The following SCN4A variants were observed in gnomAD, a reference collection of about 807,000 sequenced individuals.
The protein encoded by SCN4A is sodium channel protein type 4 subunit alpha.
In SCN4A, 83 loss-of-function variants were observed where a neutral mutation model predicts 162.0. The observed-to-expected ratio is 0.51, with a 90% confidence interval of 0.43 to 0.61. The LOEUF (loss-of-function observed/expected upper bound fraction) is 0.61. Ranked by LOEUF, SCN4A falls within the 20% of genes least tolerant of loss-of-function variation. The pLI, the probability that SCN4A is intolerant of heterozygous loss-of-function variation, is 0.00. For missense variants in SCN4A, 2,196 were observed against 2,462.5 expected (o/e 0.89, Z 2.29); for synonymous variants, 944 against 985.1 (o/e 0.96, Z 0.78).
chr17:63,968,505 A>C, intron 5 of SCN4A, 150 bp from the exon 6 acceptor site: 1 of 631,056 alleles, frequency 1.6e-6, no homozygotes, highest in Non-Finnish European at 2.7e-6. Flanking sequence ...TCTGAAATTA[A>C]CTCCACCCTT....
Position 63,938,869 on chromosome 17 carries a change from AAG to A in SCN4A, c.*1900_*1901del, listed in dbSNP as rs1450217428. On this transcript the variant is annotated 3_prime_UTR_variant, in exon 24 of 24. Transcript: ENST00000435607. ...CCCCATTAGACGAAACTTCTGAAGG[AAG>A]AGATGGAAGGAGTGGAGGCCTCCTT... The A allele has an allele frequency of 6.5e-6, 1 of 152,888 alleles. No individual in the cohort carries two copies. The highest frequency in any genetic ancestry group is 1.5e-5 in the Non-Finnish European group (1 of 68,180). The allele number at this position is 152,888 out of a possible 1,614,324, so 9.5% of individuals were successfully genotyped here. A position where few individuals can be genotyped will look rare whatever the true frequency, so the allele number is the denominator to read the frequency against.
chr17:63,956,081 C>T (rs1206187235), intron 13 of SCN4A, among the ~76,000 whole-genome samples: 11 of 152,228 alleles, frequency 7.2e-5, no homozygotes, highest in South Asian at 4.1e-4. Flanking sequence ...AGGCCCTAGC[C>T]GCAGAAATGC....
At chr17:63,967,312 C>T (rs1909480195) in intron 6 of SCN4A, among the ~76,000 whole-genome samples, 1 of 151,842 alleles carries the variant, frequency 6.6e-6, no homozygotes, top group African/African-American at 2.4e-5. Context: ...GTCACCACGC[C>T]CGGCTAATTT....
rs371725584 is a variant in SCN4A at position 63,964,495 on chromosome 17, G to C, written c.1425C>G (p.Phe475Leu). 6.2e-6 allele frequency: 10 copies of C among 1,613,862 alleles called. No homozygotes were observed. The highest frequency in any genetic ancestry group is 4.0e-5 in the African/African-American group (3 of 74,932). Residue 475 changes from phenylalanine (F) to leucine (L), a missense_variant, in exon 9 of 24, where the codon TTC (phenylalanine) becomes TTG (leucine). Phe to Leu is a conservative substitution (Grantham distance 22, BLOSUM62 0). Transcript: ENST00000435607. Reference protein sequence around the residue: ...EEEFQQMLEKFKKHQEELEKA... With the variant: ...EEEFQQMLEKLKKHQEELEKA... ...TCTCCAGCTCCTCCTGGTGCTTTTT[G>C]AACTTCTCAAGCATCTGCTGAAACT... is the stretch of plus-strand genomic sequence containing the variant.
In SCN4A at chr17:63,971,784, G is replaced by C; in HGVS notation, c.549C>G (p.Val183=). 1 of 1,613,152 alleles carries C rather than the reference G, an allele frequency of 6.2e-7. No individual in the cohort carries two copies. The highest frequency in any genetic ancestry group is 1.6e-4 in the Middle Eastern group (1 of 6,062). The change falls in exon 4 of 24, where the codon GTC becomes GTG. Residue 183 remains valine (V), a synonymous_variant. Transcript: ENST00000435607. Reference sequence around the variant, plus strand: ...GGTCCCGGAGGAATGTGAAGTCGTCGACACAGAAGCCTCGGGCCAGTATCT... The same window carrying C: ...GGTCCCGGAGGAATGTGAAGTCGTCCACACAGAAGCCTCGGGCCAGTATCT... ...LIKILARGFC[V]DDFTFLRDPW...
Position 63,948,779 on chromosome 17 carries a change from G to C in SCN4A, c.2990-14C>G, listed in dbSNP as rs574276315. 8 of 1,589,492 alleles carry C rather than the reference G, an allele frequency of 5.0e-6. No homozygotes were observed. The East Asian group carries it at 6.8e-5, about 13-fold the overall frequency. ...GCTGCACGCAGGCTGATGGGGTGAG[G>C]GGGGACAGGGACAGGCACCACATCA... On this transcript the variant is annotated splice_polypyrimidine_tract_variant and intron_variant, in intron 15 of 23. Coordinates refer to ENST00000435607, the MANE Select transcript of SCN4A (RefSeq NM_000334.4).
chr17:63,969,459 T>C (rs1909552566), intron 5 of SCN4A, among the ~76,000 whole-genome samples: 1 of 152,282 alleles, frequency 6.6e-6, no homozygotes, highest in Non-Finnish European at 1.5e-5. Context: ...AAAGCCCTCC[T>C]GCGCCCCGAG....
At chr17:63,954,307 G>A (rs369998683) in intron 13 of SCN4A, among the ~76,000 whole-genome samples, 13 of 152,230 alleles carry the variant, frequency 8.5e-5, no homozygotes, top group African/African-American at 2.6e-4. Flanking sequence ...CTTCCTCCCC[G>A]CCATGTCCCC....
chr17:63,949,770 C>T (rs1056734880), intron 14 of SCN4A: 8 of 421,382 alleles, frequency 1.9e-5, no homozygotes, highest in African/African-American at 8.2e-5. Flanking sequence ...TGGGAAGGGA[C>T]GGTAAGGGCA....
At position 63,951,780 on chromosome 17, in the gene SCN4A, T is replaced by A; in HGVS notation, c.2497A>T (p.Ile833Phe). Residue 833 changes from isoleucine (I) to phenylalanine (F), a missense_variant, in exon 14 of 24, where the codon ATC becomes TTC. Ile to Phe is a conservative substitution (Grantham distance 21). Coordinates refer to ENST00000435607, the MANE Select transcript of SCN4A (RefSeq NM_000334.4). The surrounding 1 kb of genome is among the most constrained non-coding windows in gnomAD (Gnocchi z 4.5). ...QIAIGRIKLGIGFAKAFLLGL... is the reference protein window; with the variant it reads ...QIAIGRIKLGFGFAKAFLLGL... Reference sequence around the variant, plus strand: ...AGGAGGAAGGCCTTGGCAAAGCCGATGCCCAACTTGATGCGCCCGATGGCA... The same window carrying A: ...AGGAGGAAGGCCTTGGCAAAGCCGAAGCCCAACTTGATGCGCCCGATGGCA... 1 of 1,585,184 alleles carries A rather than the reference T, an allele frequency of 6.3e-7. No homozygotes were observed. The highest frequency in any genetic ancestry group is 8.6e-7 in the Non-Finnish European group (1 of 1,165,562).
In SCN4A at chr17:63,942,873, A is replaced by G. The variant is rs1280959928; in HGVS notation, c.4241T>C (p.Val1414Ala). 6.2e-7 allele frequency: 1 copy of G among 1,614,052 alleles called. No individual in the cohort carries two copies. The highest frequency in any genetic ancestry group is 2.2e-5 in the East Asian group (1 of 44,892). The change falls in exon 23 of 24, where the codon GTT becomes GCT. Residue 1414 changes from valine to alanine, a missense_variant. By Grantham distance (64) the Val-to-Ala change is moderately conservative (BLOSUM62 0). Transcript: ENST00000435607. The stretch of plus-strand genomic sequence containing the variant: ...CACGAAGTCAAAGATGTTCCAGCCA[A>G]CGGTGAAGTAGTACTGGCGCAGGGC... Reference protein sequence around the residue: ...MLALRQYYFTVGWNIFDFVVV... With the variant: ...MLALRQYYFTAGWNIFDFVVV...
intron 13 of SCN4A, among the ~76,000 whole-genome samples, chr17:63,953,000 GC>G (rs2144788542): frequency 6.6e-6 from 1 of 152,298 alleles, no homozygotes; most frequent in South Asian, 2.1e-4. Flanking sequence ...ACTGCCCTGT[GC>G]CTCAGTTTCC....
intron 16 of SCN4A, 58 bp from the exon 17 acceptor site, chr17:63,948,121 G>A: frequency 1.4e-6 from 2 of 1,446,914 alleles, no homozygotes; most frequent in South Asian, 1.3e-5. Context: ...GTGGCAGCCA[G>A]GTCCCCTGCC....
At chr17:63,960,735 G>A (rs1909221613) in intron 11 of SCN4A, among the ~76,000 whole-genome samples, 3 of 152,050 alleles carry the variant, frequency 2.0e-5, no homozygotes, top group African/African-American at 7.2e-5. Flanking sequence ...GAGGGTTGGG[G>A]GAGTAACCCC....
chr17:63,951,475 C>G lies in SCN4A; in HGVS notation c.2802G>C (p.Glu934Asp), dbSNP rs371920760. Reference sequence around the variant, plus strand: ...TGTCGGTTTCCTCCTCGGTGGGCATCTCCAGGTCGGACTCCTCGGAGGCGA... The same window carrying G: ...TGTCGGTTTCCTCCTCGGTGGGCATGTCCAGGTCGGACTCCTCGGAGGCGA... ...VPIASEESDL[E>D]MPTEEETDTF... Residue 934 changes from glutamate to aspartate, a missense_variant, in exon 14 of 24, where the codon GAG (glutamate) becomes GAC (aspartate). Glu to Asp is a conservative substitution (Grantham distance 45). Coordinates refer to ENST00000435607, the MANE Select transcript of SCN4A (RefSeq NM_000334.4). This position sits in a 1 kb window ranked among gnomAD's most constrained non-coding sequence, Gnocchi z 4.5. The G allele has an allele frequency of 2.6e-5, 42 of 1,610,684 alleles. No homozygotes were observed. In the African/African-American group the frequency reaches 5.5e-4, roughly 21 times the overall value.
In SCN4A at chr17:63,948,043, A is replaced by T; in HGVS notation, c.3165T>A (p.Ile1055=). ...SGALAFEDIY[I]EQRRVIRTIL... ...TGGTGCGAATGACTCGCCGCTGCTCAATGTAGATGTCCTCGAAGGCCTGGG... is the reference window on the plus strand; with the variant it reads ...TGGTGCGAATGACTCGCCGCTGCTCTATGTAGATGTCCTCGAAGGCCTGGG... Residue 1055 remains isoleucine, a synonymous_variant, in exon 17 of 24, where the codon ATT becomes ATA. Transcript: ENST00000435607. 1 of 1,605,138 alleles carries T rather than the reference A, an allele frequency of 6.2e-7. No homozygotes were observed. Among genetic ancestry groups the T allele is most frequent in the Non-Finnish European group, 8.5e-7 (1 of 1,173,052 alleles).
In SCN4A at chr17:63,972,222, C is replaced by T. The variant is rs1909634668; in HGVS notation, c.396G>A (p.Leu132=). 7 of 1,613,048 alleles carry T rather than the reference C, an allele frequency of 4.3e-6. No homozygotes were observed. Among genetic ancestry groups the T allele is most frequent in the East Asian group, 4.5e-5 (2 of 44,866 alleles). The change falls in exon 3 of 24, where the codon CTG becomes CTA. Residue 132 remains leucine (L), a synonymous_variant. Coordinates refer to ENST00000435607, the MANE Select transcript of SCN4A (RefSeq NM_000334.4). This position sits in a 1 kb window ranked among gnomAD's most constrained non-coding sequence, Gnocchi z 4.3. ...RGAIKVLIHA[L]FSMFIMITIL... Reference sequence around the variant, plus strand: ...TGGTGATCATGATGAACATGCTGAACAGCGTGGGGCAGGGTCAAGGAAAGT... The same window carrying T: ...TGGTGATCATGATGAACATGCTGAATAGCGTGGGGCAGGGTCAAGGAAAGT...
intron 22 of SCN4A, among the ~76,000 whole-genome samples, chr17:63,943,484 A>G (rs1908613419): frequency 6.6e-6 from 1 of 152,002 alleles, no homozygotes; most frequent in Non-Finnish European, 1.5e-5. Flanking sequence ...GTAGGTGGGC[A>G]CTGAGGAGCT....
At chr17:63,960,653 A>C (rs1387105305) in intron 11 of SCN4A, among the ~76,000 whole-genome samples, 1 of 152,166 alleles carries the variant, frequency 6.6e-6, no homozygotes, top group African/African-American at 2.4e-5. Flanking sequence ...CGGGCGGATC[A>C]GTGGTGTCAA....
Sources: allele counts gnomAD v4.1 joint callset (sites outside exome capture counted in the v4.1 genomes callset), GRCh38; gene constraint gnomAD v4.1.1; non-coding constraint Gnocchi (gnomAD v3.1); transcripts MANE v1.5; gene names NCBI Gene and HGNC (gene_info 2026-07-23, HGNC 2026-07-21).